Variants in ANKH observed in about 807,000 individuals in gnomAD.
ANKH encodes the protein mineralization regulator ANKH.
ANKH carries 15 observed loss-of-function variants against 49.0 expected under a neutral mutation model. The observed-to-expected ratio is 0.31, with a 90% CI of 0.20 to 0.47. The LOEUF (loss-of-function observed/expected upper bound fraction) is 0.47. ANKH is among the 20% of genes least tolerant of loss of function. The pLI, the probability that ANKH is intolerant of heterozygous loss-of-function variation, is 1.00. For missense variants in ANKH, 429 were observed against 652.0 expected, an observed-to-expected ratio of 0.66 and a Z score of 3.72; for synonymous variants, 273 against 260.0, an observed-to-expected ratio of 1.05 and a Z score of -0.48.
intron 1 of ANKH, among the ~76,000 whole-genome samples, chr5:14,777,324 T>A (rs768186727): frequency 5.9e-5 from 9 of 152,022 alleles, no homozygotes; most frequent in Admixed American, 3.3e-4. Context: ...ACCAAACATA[T>A]CTGGGTCCAG....
At chr5:14,738,116 A>G (rs1738243970) in intron 8 of ANKH, among the ~76,000 whole-genome samples, 1 of 152,212 alleles carries the variant, frequency 6.6e-6, no homozygotes, top group Non-Finnish European at 1.5e-5. Context: ...ACTGCTGGAT[A>G]AGAGTACAAG....
chr5:14,760,210 G>C (rs369973411), intron 2 of ANKH, among the ~76,000 whole-genome samples: 23 of 152,286 alleles, frequency 1.5e-4, no homozygotes, highest in African/African-American at 5.3e-4. Flanking sequence ...ATCCAAGAGA[G>C]GGCATGTCAC....
chr5:14,843,860 C>G (rs1741884473), intron 1 of ANKH, among the ~76,000 whole-genome samples: 1 of 152,274 alleles, frequency 6.6e-6, no homozygotes, highest in African/African-American at 2.4e-5. Context: ...CCAGACAGTA[C>G]CATTCATACA....
At chr5:14,809,504 G>A (rs191962796) in intron 1 of ANKH, among the ~76,000 whole-genome samples, 107 of 152,216 alleles carry the variant, frequency 7.0e-4, no homozygotes, top group Non-Finnish European at 1.1e-3. Context: ...GCAGTGAGCC[G>A]TGATCGTGCC....
rs947279893 is a variant in ANKH at position 14,757,428 on chromosome 5, A to T, written c.432+1052T>A. The stretch of plus-strand genomic sequence containing the variant: ...CTTATTGGAACATATATATATATAT[A>T]TATTTTTTTTTTTTTTTTTTTGCTA... On this transcript the variant is annotated intron_variant, in intron 3 of 11. Coordinates refer to ENST00000284268, the MANE Select transcript of ANKH (RefSeq NM_054027.6). Among the ~76,000 whole-genome samples the T allele has an allele frequency of 9.5e-3, 1,216 of 127,868 alleles. 13 individuals carry two copies. Among genetic ancestry groups the T allele is most frequent in the Admixed American group, 0.013 (166 of 12,332 alleles). The allele number at this position is 127,868 out of a possible 152,430, so 83.9% of individuals were successfully genotyped here. A position where few individuals can be genotyped will look rare whatever the true frequency, so the allele number is the denominator to read the frequency against.
At chr5:14,711,658 C>G (rs1297096113) in intron 11 of ANKH, among the ~76,000 whole-genome samples, 1 of 152,224 alleles carries the variant, frequency 6.6e-6, no homozygotes, top group East Asian at 1.9e-4. Context: ...CTCCTTCCTC[C>G]TCCCTAAAGC....
rs570727467 is a variant in ANKH at position 14,711,120 on chromosome 5, C to T, written c.*77G>A. The stretch of plus-strand genomic sequence containing the variant: ...AAAACAAAAAAAAGGGAACAAAATA[C>T]GATGGGAGAGGGAAGAGATGATGCC... On this transcript the variant is annotated 3_prime_UTR_variant, in exon 12 of 12. Transcript: ENST00000284268. 4.2e-5 allele frequency: 53 copies of T among 1,247,244 alleles called. No individual in the cohort carries two copies. Among genetic ancestry groups the T allele is most frequent in the East Asian group, 3.9e-4 (17 of 43,176 alleles). 77.3% of individuals were successfully genotyped at this position (1,247,244 alleles called of 1,614,324 possible). A position where few individuals can be genotyped will look rare whatever the true frequency, so the allele number is the denominator to read the frequency against.
At position 14,707,191 on chromosome 5, in the gene ANKH, A is replaced by T. The variant is rs990375041; in HGVS notation, c.*4006T>A. ...TGCTGGGAGTTACTGAAGTAGAAAG[A>T]TTTTTAAATACAAGAAAATATTTCT... On this transcript the variant is annotated 3_prime_UTR_variant, in exon 12 of 12. Transcript: ENST00000284268. 2 of 152,178 alleles carry T rather than the reference A, an allele frequency of 1.3e-5. No homozygotes were observed. Among genetic ancestry groups the T allele is most frequent in the African/African-American group, 2.4e-5 (1 of 41,436 alleles). 9.4% of individuals were successfully genotyped at this position (152,178 alleles called of 1,614,324 possible). A position where few individuals can be genotyped will look rare whatever the true frequency, so the allele number is the denominator to read the frequency against.
At chr5:14,763,887 G>C (rs1404427181) in intron 2 of ANKH, among the ~76,000 whole-genome samples, 1 of 151,990 alleles carries the variant, frequency 6.6e-6, no homozygotes. Context: ...TCTGGAGTTC[G>C]AGACCAGCCT....
chr5:14,780,988 T>C (rs1002923213), intron 1 of ANKH, among the ~76,000 whole-genome samples: 3 of 152,354 alleles, frequency 2.0e-5, no homozygotes, highest in African/African-American at 2.4e-5. Context: ...CAGACGTACA[T>C]GTGCAGGCAC....
At chr5:14,776,925 A>G (rs1312414044) in intron 1 of ANKH, among the ~76,000 whole-genome samples, 1 of 152,226 alleles carries the variant, frequency 6.6e-6, no homozygotes, top group Non-Finnish European at 1.5e-5. Flanking sequence ...GCATGGCACA[A>G]GGCATTTCAG....
intron 1 of ANKH, among the ~76,000 whole-genome samples, chr5:14,841,327 C>T (rs1028821514): frequency 2.0e-5 from 3 of 150,498 alleles, no homozygotes; most frequent in Non-Finnish European, 4.4e-5. Flanking sequence ...GATGAAGTCT[C>T]GCTCTGTCAC....
chr5:14,862,430 G>A (rs1211246349), intron 1 of ANKH, among the ~76,000 whole-genome samples: 1 of 152,164 alleles, frequency 6.6e-6, no homozygotes, highest in Non-Finnish European at 1.5e-5. Context: ...TGATACCAAA[G>A]CCAGGGAAAA....
At chr5:14,777,549 G>C (rs1489892014) in intron 1 of ANKH, among the ~76,000 whole-genome samples, 1 of 152,220 alleles carries the variant, frequency 6.6e-6, no homozygotes, top group African/African-American at 2.4e-5. Flanking sequence ...TCCTAAAAGA[G>C]ACGCCAACAT....
In ANKH at chr5:14,713,195, A is replaced by AGCCCTTCCC. The variant is rs1380281777; in HGVS notation, c.1266-231_1266-223dup. ...CCCTCCCACAGCACATGGATCCCAC[A>AGCCCTTCCC]GCCCTTCCCACCCTCCCCAGGACGC... On this transcript the variant is annotated intron_variant, in intron 10 of 11. Transcript: ENST00000284268. This position sits in a 1 kb window ranked among gnomAD's most constrained non-coding sequence, Gnocchi z 4.4. 6.6e-6 allele frequency among the ~76,000 whole-genome samples: 1 copy of AGCCCTTCCC among 152,100 alleles called. No individual in the cohort carries two copies. Among genetic ancestry groups the AGCCCTTCCC allele is most frequent in the Non-Finnish European group, 1.5e-5 (1 of 67,992 alleles).
chr5:14,709,019 G>C lies in ANKH; in HGVS notation c.*2178C>G, dbSNP rs1345681703. The C allele has an allele frequency of 1.3e-5, 2 of 152,058 alleles. No homozygotes were observed. Among genetic ancestry groups the C allele is most frequent in the African/African-American group, 4.8e-5 (2 of 41,354 alleles). 9.4% of individuals were successfully genotyped at this position (152,058 alleles called of 1,614,324 possible). On this transcript the variant is annotated 3_prime_UTR_variant, in exon 12 of 12. Coordinates refer to ENST00000284268, the MANE Select transcript of ANKH (RefSeq NM_054027.6). ...GCAAATTCTCCTGCCTCAGCCTCCT[G>C]AGTAGCTGGGATTACAGGTATGTGC...
At chr5:14,867,584 G>A (rs954510928) in intron 1 of ANKH, among the ~76,000 whole-genome samples, 4 of 151,096 alleles carry the variant, frequency 2.6e-5, no homozygotes, top group African/African-American at 7.3e-5. Flanking sequence ...ACGGAGTCTC[G>A]CTCTGTCGCC....
chr5:14,811,941 G>C (rs753426360), intron 1 of ANKH, among the ~76,000 whole-genome samples: 2 of 152,000 alleles, frequency 1.3e-5, no homozygotes, highest in Non-Finnish European at 2.9e-5. Flanking sequence ...ACACCACTGT[G>C]GCTCATTAGA....
At chr5:14,797,625 GAACGAGT>G (rs2126555575) in intron 1 of ANKH, 2 of 1,603,592 alleles carry the variant, frequency 1.2e-6, no homozygotes, top group Non-Finnish European at 1.7e-6. Context: ...AGTATTGTTT[GAACGAGT>G]ATCCCAAATC....
Sources: gnomAD v4.1 joint callset for allele counts (sites outside exome capture counted in the v4.1 genomes callset) on GRCh38, gnomAD v4.1.1 for gene constraint, Gnocchi (gnomAD v3.1) non-coding constraint, MANE v1.5 for transcripts, NCBI Gene and HGNC (gene_info 2026-07-23, HGNC 2026-07-21) for gene names.